AK4: variants seen among roughly 807,000 people sequenced by gnomAD.
AK4 encodes the protein adenylate kinase 4, also known as adenylate kinase 4, mitochondrial.
A neutral mutation model predicts 24.6 loss-of-function variants in AK4; 13 were observed. That is an observed-to-expected ratio of 0.53 (90% CI 0.34 to 0.84). The LOEUF is 0.84. AK4 is among the 40% of genes least tolerant of loss of function. The probability of loss-of-function intolerance (pLI) is 0.01; values close to 1 mark genes in which losing one functional copy is unlikely to be tolerated. For synonymous variants in AK4, 88 were observed against 107.0 expected, an observed-to-expected ratio of 0.82 and a Z score of 1.10; for missense variants, 192 against 288.2, an observed-to-expected ratio of 0.67 and a Z score of 2.42.
chr1:65,163,991 A>G (rs1055315197), intron 1 of AK4, among the ~76,000 whole-genome samples: 1 of 152,064 alleles, frequency 6.6e-6, no homozygotes, highest in African/African-American at 2.4e-5. Context: ...AAATATCTCA[A>G]GAACTGATCT....
At chr1:65,171,512 G>C (rs796127525) in intron 1 of AK4, among the ~76,000 whole-genome samples, 5 of 151,658 alleles carry the variant, frequency 3.3e-5, no homozygotes, top group African/African-American at 1.2e-4. Flanking sequence ...TCACTAAATT[G>C]GCCGGGCTGG....
rs72677676 is a variant in AK4, at chr1:65,165,542, C to G, written c.145+16990C>G. Among the ~76,000 whole-genome samples the G allele has an allele frequency of 4.6e-3, 670 of 146,430 alleles. 3 individuals carry two copies. The highest frequency in any genetic ancestry group is 8.3e-3 in the Non-Finnish European group (561 of 67,246). On this transcript the variant is annotated intron_variant, in intron 1 of 4. Transcript: ENST00000327299. ...CCACTGCGTTCCAGTCTAGGCAACACAGGGAGATCCCATGTCTGGAAAAAA... is the reference window on the plus strand; with the variant it reads ...CCACTGCGTTCCAGTCTAGGCAACAGAGGGAGATCCCATGTCTGGAAAAAA...
At chr1:65,193,520 C>T (rs1651371988) in intron 2 of AK4, among the ~76,000 whole-genome samples, 1 of 152,190 alleles carries the variant, frequency 6.6e-6, no homozygotes, top group Non-Finnish European at 1.5e-5. Flanking sequence ...TGCTTTTCCA[C>T]TCTTTACATG....
intron 1 of AK4, among the ~76,000 whole-genome samples, chr1:65,152,413 T>C (rs1649828312): frequency 1.1e-5 from 1 of 87,510 alleles, no homozygotes; most frequent in East Asian, 3.3e-4. Flanking sequence ...TTTTTTTTTT[T>C]TTTTTTTGAG....
At chr1:65,179,313 C>G (rs759741782) in intron 1 of AK4, among the ~76,000 whole-genome samples, 1 of 152,152 alleles carries the variant, frequency 6.6e-6, no homozygotes, top group African/African-American at 2.4e-5. Context: ...AAAGTTGTTT[C>G]TGTTCAAGAA....
At chr1:65,214,855 G>C (rs1652075851) in intron 2 of AK4, among the ~76,000 whole-genome samples, 1 of 152,170 alleles carries the variant, frequency 6.6e-6, no homozygotes, top group Non-Finnish European at 1.5e-5. Flanking sequence ...GGAAAGATTT[G>C]CATGTGTTTG....
intron 1 of AK4, among the ~76,000 whole-genome samples, chr1:65,162,650 G>A (rs1283966796): frequency 6.6e-6 from 1 of 151,804 alleles, no homozygotes; most frequent in Admixed American, 6.6e-5. Context: ...AGACCATCCC[G>A]GCTAACACGG....
At chr1:65,216,558 G>C (rs1652137580) in intron 2 of AK4, among the ~76,000 whole-genome samples, 1 of 124,122 alleles carries the variant, frequency 8.1e-6, no homozygotes, top group South Asian at 2.1e-4. Context: ...GCTTTTCATT[G>C]ATGTGGCAGA....
At chr1:65,221,125 T>G (rs1652282426) in intron 3 of AK4, among the ~76,000 whole-genome samples, 1 of 152,222 alleles carries the variant, frequency 6.6e-6, no homozygotes, top group Non-Finnish European at 1.5e-5. Flanking sequence ...AAAGAATTAT[T>G]GTTTTTTTGA....
chr1:65,165,132 T>C (rs1035609484), intron 1 of AK4, among the ~76,000 whole-genome samples: 4 of 152,178 alleles, frequency 2.6e-5, no homozygotes, highest in Admixed American at 2.0e-4. Context: ...AAAATAGGAA[T>C]GAAAACACTT....
intron 2 of AK4, among the ~76,000 whole-genome samples, chr1:65,194,806 C>T (rs527258351): frequency 2.6e-5 from 4 of 152,310 alleles, no homozygotes; most frequent in Non-Finnish European, 5.9e-5. Flanking sequence ...CCCTACAGCT[C>T]CCCTCTTCTT....
chr1:65,160,675 G>A (rs905884429), intron 1 of AK4, among the ~76,000 whole-genome samples: 2 of 152,096 alleles, frequency 1.3e-5, no homozygotes, highest in Non-Finnish European at 2.9e-5. Context: ...GCTCACTGCA[G>A]CCTGGAACTC....
intron 1 of AK4, among the ~76,000 whole-genome samples, chr1:65,158,037 C>T (rs990043167): frequency 1.4e-4 from 21 of 152,082 alleles, no homozygotes; most frequent in Non-Finnish European, 3.1e-4. Flanking sequence ...TTGGCCTTAC[C>T]TTTTCTATTA....
chr1:65,193,048 A>T (rs151261410), intron 2 of AK4, among the ~76,000 whole-genome samples: 1 of 152,192 alleles, frequency 6.6e-6, no homozygotes, highest in Non-Finnish European at 1.5e-5. Flanking sequence ...TGGCTCCATT[A>T]GGCATTGCCC....
In AK4 at chr1:65,172,063, GTATATATATATATATATATATA is replaced by G. The variant is rs3051712; in HGVS notation, c.146-18627_146-18606del. On this transcript the variant is annotated intron_variant, in intron 1 of 4. Coordinates refer to ENST00000327299, the MANE Select transcript of AK4 (RefSeq NM_013410.4). The stretch of plus-strand genomic sequence containing the variant: ...GCAACAGAGAGAGACTCCATCTCAA[GTATATATATATATATATATATA>G]TATATATATATATATATATTTAAAC... Among the ~76,000 whole-genome samples the G allele has an allele frequency of 8.0e-3, 527 of 65,766 alleles. 21 individuals are homozygous for G. Among genetic ancestry groups the G allele is most frequent in the Middle Eastern group, 0.028 (3 of 108 alleles). 43.1% of individuals were successfully genotyped at this position (65,766 alleles called of 152,430 possible).
intron 1 of AK4, among the ~76,000 whole-genome samples, chr1:65,149,796 T>A (rs1189615728): frequency 1.3e-5 from 2 of 152,218 alleles, no homozygotes; most frequent in Non-Finnish European, 2.9e-5. Flanking sequence ...GGAAGAATTA[T>A]GTGTACCAGA....
intron 1 of AK4, among the ~76,000 whole-genome samples, chr1:65,160,410 A>C (rs772865550): frequency 6.6e-6 from 1 of 152,190 alleles, no homozygotes; most frequent in South Asian, 2.1e-4. Flanking sequence ...GCTAAAGGCC[A>C]CATTAAGCTT....
chr1:65,174,539 G>T (rs1650647359), intron 1 of AK4, among the ~76,000 whole-genome samples: 1 of 152,004 alleles, frequency 6.6e-6, no homozygotes, highest in Non-Finnish European at 1.5e-5. Flanking sequence ...AATACTGTTG[G>T]GATCCTTTGC....
chr1:65,195,986 T>G (rs1331811421), intron 2 of AK4, among the ~76,000 whole-genome samples: 1 of 152,164 alleles, frequency 6.6e-6, no homozygotes, highest in Non-Finnish European at 1.5e-5. Context: ...TTTAGTGAAG[T>G]ACGTCATCCT....
Sources: allele counts gnomAD v4.1 joint callset (sites outside exome capture counted in the v4.1 genomes callset), GRCh38; gene constraint gnomAD v4.1.1; transcripts MANE v1.5; gene names NCBI Gene and HGNC (gene_info 2026-07-23, HGNC 2026-07-21).